PARPBP: variants seen among roughly 807,000 people sequenced by gnomAD.
PARPBP encodes the protein PARP1 binding protein.
Under a neutral mutation model 50.0 loss-of-function variants are expected in PARPBP, and 52 were observed. The observed-to-expected ratio is 1.04, with a 90% CI of 0.83 to 1.31. The LOEUF is 1.31. Among genes scored for constraint, PARPBP ranks in the 50% most tolerant of loss-of-function variants. The pLI is 0.00. For missense variants in PARPBP, 697 were observed against 672.0 expected (o/e 1.04, Z -0.41); for synonymous variants, 244 against 232.1 (o/e 1.05, Z -0.47).
chr12:102,196,332 C>CTA lies in PARPBP; in HGVS notation c.*41_*42insTA. ...GCTTTAGGTTTATGTATCTATAAAC[C>CTA]ATTCACCAAAGACATGCTTAATTTT... On this transcript the variant is annotated 3_prime_UTR_variant, in exon 11 of 11. Transcript: ENST00000327680. 2 of 1,268,934 alleles carry CTA rather than the reference C, an allele frequency of 1.6e-6. No individual in the cohort carries two copies. The highest frequency in any genetic ancestry group is 2.2e-6 in the Non-Finnish European group (2 of 909,782). 78.6% of individuals were successfully genotyped at this position (1,268,934 alleles called of 1,614,324 possible). A position where few individuals can be genotyped will look rare whatever the true frequency, so the allele number is the denominator to read the frequency against.
At chr12:102,149,131 A>C (rs1268243023) in intron 3 of PARPBP, 2 of 152,204 alleles carry the variant, frequency 1.3e-5, no homozygotes, top group Non-Finnish European at 2.9e-5. Flanking sequence ...CCAATAAAGT[A>C]GTAGTTAAAT....
At chr12:102,165,198 C>A (rs1425160114) in intron 5 of PARPBP, among the ~76,000 whole-genome samples, 1 of 152,118 alleles carries the variant, frequency 6.6e-6, no homozygotes, top group Non-Finnish European at 1.5e-5. Context: ...TAAGGACAAG[C>A]CTTTTGAACT....
In PARPBP at chr12:102,167,310, T is replaced by G. The variant is rs946789142; in HGVS notation, c.821+1427T>G. On this transcript the variant is annotated intron_variant, in intron 6 of 10. Transcript: ENST00000327680. ...CATATGATTTTATGTCATGTTTCAT[T>G]TATTTCTCTAAGATTATTTATTATA... is the stretch of plus-strand genomic sequence containing the variant. Among the ~76,000 whole-genome samples the G allele has an allele frequency of 2.0e-5, 3 of 152,154 alleles. No homozygotes were observed. The East Asian group carries it at 5.8e-4, about 29-fold the overall frequency.
At chr12:102,147,821 C>T (rs1004112993) in intron 2 of PARPBP, among the ~76,000 whole-genome samples, 14 of 151,772 alleles carry the variant, frequency 9.2e-5, no homozygotes, top group Non-Finnish European at 2.1e-4. Context: ...ATTTTAAATA[C>T]GAGATTAAAA....
Position 102,155,604 on chromosome 12 carries a change from G to GGC in PARPBP, c.495+1629_495+1630insCG, listed in dbSNP as rs910154953. The stretch of plus-strand genomic sequence containing the variant: ...CGCCTGAGAGCATGGTGGGGGGGGG[G>GGC]GGCGGGGACAATGATTGGAATATAA... On this transcript the variant is annotated intron_variant, in intron 4 of 10. Coordinates refer to ENST00000327680, the MANE Select transcript of PARPBP (RefSeq NM_017915.5). 2.6e-5 allele frequency among the ~76,000 whole-genome samples: 3 copies of GGC among 115,484 alleles called. 1 individual carries two copies. Among genetic ancestry groups the GGC allele is most frequent in the African/African-American group, 9.4e-5 (3 of 32,070 alleles). 75.8% of individuals were successfully genotyped at this position (115,484 alleles called of 152,430 possible).
chr12:102,165,804 A>G lies in PARPBP; in HGVS notation c.742A>G (p.Thr248Ala), dbSNP rs369001502. ...ACCACCACCATCAGATCCTTTAAGG[A>G]CACATGTAAAGGGATTGTCTAATTT... The part of the protein sequence containing the change: ...YAPPPSDPLR[T>A]HVKGLSNFIN... Residue 248 changes from threonine to alanine, a missense_variant, in exon 6 of 11, where the codon ACA becomes GCA. By Grantham distance (58) the Thr-to-Ala change is moderately conservative (BLOSUM62 0). Coordinates refer to ENST00000327680, the MANE Select transcript of PARPBP (RefSeq NM_017915.5). 64 of 1,589,472 alleles carry G rather than the reference A, an allele frequency of 4.0e-5. No individual in the cohort carries two copies. Among genetic ancestry groups the G allele is most frequent in the Non-Finnish European group, 5.5e-5 (64 of 1,158,118 alleles).
chr12:102,185,708 G>GA (rs1321690845), intron 9 of PARPBP, among the ~76,000 whole-genome samples: 2 of 152,066 alleles, frequency 1.3e-5, no homozygotes, highest in Admixed American at 1.3e-4. Context: ...AACCAGGCTG[G>GA]AGTACAGTGG....
intron 2 of PARPBP, among the ~76,000 whole-genome samples, chr12:102,125,339 CAATA>C (rs1881829464): frequency 6.6e-6 from 1 of 151,982 alleles, no homozygotes; most frequent in Non-Finnish European, 1.5e-5. Flanking sequence ...ATACAGAAAA[CAATA>C]AAACATGCGA....
Position 102,157,959 on chromosome 12 carries a change from A to G in PARPBP, c.495+3983A>G, listed in dbSNP as rs573211194. 3.9e-5 allele frequency among the ~76,000 whole-genome samples: 6 copies of G among 151,976 alleles called. No homozygotes were observed. The East Asian group carries it at 1.2e-3, about 30-fold the overall frequency. On this transcript the variant is annotated intron_variant, in intron 4 of 10. Transcript: ENST00000327680. ...CACGGTGAACCCTCGTCTCTACTAA[A>G]AATACAAAAAAGTAGCCAGGTGTAA... is the stretch of plus-strand genomic sequence containing the variant.
At chr12:102,146,722 C>A (rs1885405054) in intron 2 of PARPBP, among the ~76,000 whole-genome samples, 1 of 152,092 alleles carries the variant, frequency 6.6e-6, no homozygotes, top group African/African-American at 2.4e-5. Flanking sequence ...CAAATGGGAT[C>A]TAATTAAACT....
intron 2 of PARPBP, among the ~76,000 whole-genome samples, chr12:102,139,575 A>G (rs1443361156): frequency 6.6e-6 from 1 of 152,202 alleles, no homozygotes; most frequent in South Asian, 2.1e-4. Context: ...TTCAAAGGGA[A>G]TGCTTCCAGT....
At chr12:102,145,859 G>A (rs1320512551) in intron 2 of PARPBP, among the ~76,000 whole-genome samples, 1 of 152,106 alleles carries the variant, frequency 6.6e-6, no homozygotes, top group Non-Finnish European at 1.5e-5. Context: ...TTAATCTCTG[G>A]CTCAAGGTTT....
At chr12:102,164,317 T>C (rs138218982) in intron 4 of PARPBP, 121 bp from the exon 5 acceptor site, 7,374 of 700,400 alleles carry the variant, frequency 0.011, 219 homozygotes, top group African/African-American at 0.075. Flanking sequence ...GTTTTATTTT[T>C]CTAAAGAGTT....
intron 1 of PARPBP, among the ~76,000 whole-genome samples, chr12:102,123,617 GTC>G (rs1881497276): frequency 6.6e-6 from 1 of 151,280 alleles, no homozygotes; most frequent in Non-Finnish European, 1.5e-5. Context: ...AAATTTGCAT[GTC>G]TGTTTTTGTG....
At chr12:102,140,428 A>G (rs11610062) in intron 2 of PARPBP, among the ~76,000 whole-genome samples, 5,999 of 152,256 alleles carry the variant, frequency 0.039, 157 homozygotes, top group Non-Finnish European at 0.061. Context: ...TCCTTTCAAA[A>G]AAACAGCTCC....
At position 102,175,499 on chromosome 12, in the gene PARPBP, A is replaced by G. The variant is rs2136651144; in HGVS notation, c.838A>G (p.Ile280Val). 6.2e-7 allele frequency: 1 copy of G among 1,613,112 alleles called. No homozygotes were observed. ...IPNPSIAGGQ[I>V]LSVIKMQLIK... ...TATTTTCAGCATTGCAGGGGGTCAA[A>G]TACTGTCAGTGATAAAGATGCAACT... Residue 280 changes from isoleucine to valine, a missense_variant, in exon 7 of 11, where the codon ATA (isoleucine) becomes GTA (valine). Ile to Val is a conservative substitution (Grantham distance 29). Transcript: ENST00000327680.
chr12:102,196,683 C>G lies in PARPBP; in HGVS notation c.*392C>G. On this transcript the variant is annotated 3_prime_UTR_variant, in exon 11 of 11. Coordinates refer to ENST00000327680, the MANE Select transcript of PARPBP (RefSeq NM_017915.5). ...TTGCCAACAAGGTCGGTAGACTCTTCCCAGCATACATCTGAGCACTGAAGG... is the reference window on the plus strand; with the variant it reads ...TTGCCAACAAGGTCGGTAGACTCTTGCCAGCATACATCTGAGCACTGAAGG... The G allele has an allele frequency of 1.9e-6, 3 of 1,609,250 alleles. No homozygotes were observed. Among genetic ancestry groups the G allele is most frequent in the Non-Finnish European group, 2.6e-6 (3 of 1,176,294 alleles).
intron 2 of PARPBP, among the ~76,000 whole-genome samples, chr12:102,129,812 A>G (rs576468387): frequency 7.9e-5 from 12 of 152,282 alleles, no homozygotes; most frequent in Non-Finnish European, 1.5e-4. Context: ...AGACTTGACT[A>G]CTGCCCAAAG....
At chr12:102,156,977 G>A (rs1378209831) in intron 4 of PARPBP, among the ~76,000 whole-genome samples, 1 of 152,208 alleles carries the variant, frequency 6.6e-6, no homozygotes, top group African/African-American at 2.4e-5. Context: ...AAATGGTCTA[G>A]AATGCATTTA....
Sources: allele counts gnomAD v4.1 joint callset (sites outside exome capture counted in the v4.1 genomes callset), GRCh38; gene constraint gnomAD v4.1.1; transcripts MANE v1.5; gene names NCBI Gene and HGNC (gene_info 2026-07-23, HGNC 2026-07-21).